Variants in SLC8A1 observed in about 807,000 individuals in gnomAD.
SLC8A1 encodes solute carrier family 8 member A1.
Under a neutral mutation model 68.3 loss-of-function variants are expected in SLC8A1, and 18 were observed. That is an observed-to-expected ratio of 0.26 (90% CI 0.18 to 0.39). The LOEUF is 0.39. Among genes scored for constraint, SLC8A1 ranks in the 10% least tolerant of loss-of-function variants. SLC8A1 has a pLI of 1.00. For synonymous variants in SLC8A1, 475 were observed against 415.5 expected, an observed-to-expected ratio of 1.14 and a Z score of -1.74; for missense variants, 985 against 1,156.7, an observed-to-expected ratio of 0.85 and a Z score of 2.15.
intron 2 of SLC8A1, among the ~76,000 whole-genome samples, chr2:40,367,362 G>A (rs1676561172): frequency 6.6e-6 from 1 of 151,956 alleles, no homozygotes. Flanking sequence ...CATCCATTGT[G>A]CTATAATATT....
chr2:40,211,071 GT>G (rs1200358228), intron 2 of SLC8A1, among the ~76,000 whole-genome samples: 2 of 152,248 alleles, frequency 1.3e-5, no homozygotes, highest in East Asian at 3.9e-4. Context: ...AGAAATAATT[GT>G]TATGTCAAGT....
At chr2:40,178,297 T>A in intron 2 of SLC8A1, 90 bp downstream of exon 3, 1 of 945,858 alleles carries the variant, frequency 1.1e-6, no homozygotes, top group African/African-American at 1.6e-5. Context: ...GATGTGTGCA[T>A]TGTAAGTCAT....
intron 2 of SLC8A1, among the ~76,000 whole-genome samples, chr2:40,194,072 G>T (rs764485638): frequency 6.6e-6 from 1 of 152,174 alleles, no homozygotes; most frequent in East Asian, 1.9e-4. Flanking sequence ...AGTAAAATAC[G>T]AATTCTGCTA....
At chr2:40,271,169 A>G (rs1321045913) in intron 2 of SLC8A1, among the ~76,000 whole-genome samples, 2 of 108,406 alleles carry the variant, frequency 1.8e-5, no homozygotes, top group Admixed American at 1.8e-4. Context: ...AAGACCCCCA[A>G]GCCCCCCTCA....
intron 2 of SLC8A1, among the ~76,000 whole-genome samples, chr2:40,212,641 C>A (rs1346238151): frequency 6.6e-6 from 1 of 152,162 alleles, no homozygotes; most frequent in Admixed American, 6.5e-5. Flanking sequence ...ATCTATAAAT[C>A]TGCTGCCTTC....
At chr2:40,305,883 C>A (rs550515225) in intron 2 of SLC8A1, among the ~76,000 whole-genome samples, 16 of 152,226 alleles carry the variant, frequency 1.1e-4, no homozygotes, top group Admixed American at 6.5e-4. Context: ...GCTTTTTTGA[C>A]ATTATATGCA....
chr2:40,400,898 G>A (rs1287546266), intron 2 of SLC8A1, among the ~76,000 whole-genome samples: 2 of 152,150 alleles, frequency 1.3e-5, no homozygotes, highest in African/African-American at 4.8e-5. Context: ...AATGGGCAGG[G>A]AGCAGTAAAC....
chr2:40,323,648 C>G (rs1012631604), intron 2 of SLC8A1, among the ~76,000 whole-genome samples: 2 of 152,054 alleles, frequency 1.3e-5, no homozygotes, highest in Non-Finnish European at 2.9e-5. Flanking sequence ...ACCCAAACAG[C>G]TGCAACTCAA....
intron 2 of SLC8A1, among the ~76,000 whole-genome samples, chr2:40,384,042 C>T (rs1407392429): frequency 2.0e-5 from 3 of 151,936 alleles, no homozygotes; most frequent in Non-Finnish European, 2.9e-5. Flanking sequence ...GGGAAGATTG[C>T]TTGAGGCCAG....
rs116278247 is a variant in SLC8A1 at position 40,380,048 on chromosome 2, T to A, written c.1808+48425A>T. Among the ~76,000 whole-genome samples, 304 of 152,276 alleles carry A rather than the reference T, an allele frequency of 2.0e-3. 1 individual carries two copies. Among genetic ancestry groups the A allele is most frequent in the African/African-American group, 7.1e-3 (294 of 41,580 alleles). On this transcript the variant is annotated intron_variant, in intron 2 of 7. Transcript: ENST00000406785. ...CATTTTCTGACATTATATCATAATGTCTACAATGAAAATCATGGAAAATTT... is the reference window on the plus strand; with the variant it reads ...CATTTTCTGACATTATATCATAATGACTACAATGAAAATCATGGAAAATTT...
At chr2:40,149,139 C>A (rs148001259) in intron 6 of SLC8A1, among the ~76,000 whole-genome samples, 1 of 152,158 alleles carries the variant, frequency 6.6e-6, no homozygotes, top group Non-Finnish European at 1.5e-5. Flanking sequence ...CACTGTTTTG[C>A]ACCTCAAGCC....
chr2:40,141,216 A>G (rs1383282516), intron 6 of SLC8A1, among the ~76,000 whole-genome samples: 2 of 152,150 alleles, frequency 1.3e-5, no homozygotes, highest in African/African-American at 2.4e-5. Context: ...GCACACATGT[A>G]TGGTCTTCGT....
chr2:40,150,634 TTCGGGCATACAA>T (rs2043249791), intron 6 of SLC8A1, among the ~76,000 whole-genome samples: 1 of 152,208 alleles, frequency 6.6e-6, no homozygotes, highest in South Asian at 2.1e-4. Flanking sequence ...GAGACACGAC[TTCGGGCATACAA>T]ATAAGAGTGC....
intron 2 of SLC8A1, among the ~76,000 whole-genome samples, chr2:40,353,045 C>G (rs181201210): frequency 2.0e-5 from 3 of 152,262 alleles, no homozygotes; most frequent in Non-Finnish European, 1.5e-5. Context: ...GGGTGGAGCT[C>G]TCACAGCCTT....
At chr2:40,189,541 G>A (rs771350980) in intron 2 of SLC8A1, among the ~76,000 whole-genome samples, 6 of 152,084 alleles carry the variant, frequency 3.9e-5, no homozygotes, top group East Asian at 1.9e-4. Context: ...GGCTGGTCTC[G>A]AACTCAGGTA....
exon 8 of SLC8A1, chr2:40,101,442 G>A (rs2033886750): frequency 6.6e-6 from 1 of 152,098 alleles, no homozygotes; most frequent in Non-Finnish European, 1.5e-5. Context: ...AGAGAAAGGT[G>A]TCCAGGGTCA....
intron 7 of SLC8A1, among the ~76,000 whole-genome samples, chr2:40,134,751 G>A (rs1346860347): frequency 6.6e-6 from 1 of 152,148 alleles, no homozygotes; most frequent in African/African-American, 2.4e-5. Context: ...ATTTGTACAT[G>A]TATTTACATA....
At chr2:40,377,915 C>A (rs72941904) in intron 2 of SLC8A1, among the ~76,000 whole-genome samples, 11,190 of 152,158 alleles carry the variant, frequency 0.074, 1,343 homozygotes, top group African/African-American at 0.25. Context: ...TTATTTCACC[C>A]TGTTGTAATG....
intron 2 of SLC8A1, among the ~76,000 whole-genome samples, chr2:40,427,922 C>T (rs1182721219): frequency 6.6e-6 from 1 of 152,102 alleles, no homozygotes; most frequent in Non-Finnish European, 1.5e-5. Context: ...CATAATTTAG[C>T]ATTGGCATTT....
Sources: gnomAD v4.1 joint callset for allele counts (sites outside exome capture counted in the v4.1 genomes callset) on GRCh38, gnomAD v4.1.1 for gene constraint, MANE v1.5 for transcripts, NCBI Gene and HGNC (gene_info 2026-07-23, HGNC 2026-07-21) for gene names.